The following ZRANB3 variants were observed in gnomAD, a reference collection of about 807,000 sequenced individuals.
The protein encoded by ZRANB3 is zinc finger RANBP2-type containing 3, also known as DNA annealing helicase and endonuclease ZRANB3.
In ZRANB3, 125 loss-of-function variants were observed where a neutral mutation model predicts 133.8. The ratio of observed to expected loss-of-function variants is 0.93; its 90% CI spans 0.81 to 1.08. The LOEUF is 1.08. Among genes scored for constraint, ZRANB3 ranks in the 50% least tolerant of loss-of-function variants. The pLI is 0.00. For synonymous variants in ZRANB3, 387 were observed against 432.7 expected (o/e 0.89, Z 1.31); for missense variants, 1,229 against 1,275.5 (o/e 0.96, Z 0.56).
intron 2 of ZRANB3, among the ~76,000 whole-genome samples, chr2:135,420,707 C>A (rs910273047): frequency 1.3e-5 from 2 of 152,074 alleles, no homozygotes; most frequent in African/African-American, 4.8e-5. Flanking sequence ...TATATCTGTG[C>A]ACCTCATTAA....
intron 8 of ZRANB3, among the ~76,000 whole-genome samples, chr2:135,287,534 T>C (rs1430700820): frequency 6.6e-6 from 1 of 152,190 alleles, no homozygotes; most frequent in Non-Finnish European, 1.5e-5. Context: ...TTCACAATAT[T>C]GATTCTACCA....
At chr2:135,467,050 A>G (rs1481372054) in intron 2 of ZRANB3, among the ~76,000 whole-genome samples, 8 of 152,146 alleles carry the variant, frequency 5.3e-5, no homozygotes, top group South Asian at 2.1e-4. Flanking sequence ...ATTATTTTAC[A>G]TGGTAGGTTT....
At chr2:135,327,965 A>G (rs1299542368) in intron 6 of ZRANB3, among the ~76,000 whole-genome samples, 1 of 152,156 alleles carries the variant, frequency 6.6e-6, no homozygotes, top group East Asian at 1.9e-4. Flanking sequence ...TTGCTTATCA[A>G]TTCATCCTTC....
chr2:135,490,443 C>A (rs1692321428), intron 2 of ZRANB3, among the ~76,000 whole-genome samples: 1 of 151,940 alleles, frequency 6.6e-6, no homozygotes, highest in South Asian at 2.1e-4. Context: ...CAAATCAAAA[C>A]CACAATGAGA....
intron 13 of ZRANB3, 41 bp downstream of exon 13, chr2:135,230,472 C>T: frequency 1.4e-6 from 2 of 1,449,134 alleles, no homozygotes; most frequent in Non-Finnish European, 1.8e-6. Flanking sequence ...GAAGACACCA[C>T]TAACAGCCCT....
At chr2:135,345,500 TTC>T in intron 6 of ZRANB3, 48 bp downstream of exon 6, 1 of 1,284,732 alleles carries the variant, frequency 7.8e-7, no homozygotes, top group Non-Finnish European at 1.1e-6. Flanking sequence ...TAAAGCAATG[TTC>T]ACAGTAAACA....
At chr2:135,485,888 T>A (rs1244436879) in intron 2 of ZRANB3, among the ~76,000 whole-genome samples, 1 of 152,240 alleles carries the variant, frequency 6.6e-6, no homozygotes, top group Non-Finnish European at 1.5e-5. Context: ...TCTTCTTATA[T>A]CTCCTCAGAC....
intron 6 of ZRANB3, among the ~76,000 whole-genome samples, chr2:135,339,019 T>C (rs1275083093): frequency 6.6e-6 from 1 of 152,170 alleles, no homozygotes; most frequent in Non-Finnish European, 1.5e-5. Flanking sequence ...CTCATGACTG[T>C]AATTCCAGCA....
At chr2:135,419,000 C>A (rs1440478993) in intron 2 of ZRANB3, among the ~76,000 whole-genome samples, 1 of 123,782 alleles carries the variant, frequency 8.1e-6, no homozygotes, top group African/African-American at 3.0e-5. Flanking sequence ...TGCAGTGGTG[C>A]GATCTCGGCT....
chr2:135,251,756 G>A (rs59290677), intron 12 of ZRANB3, among the ~76,000 whole-genome samples: 16,890 of 152,102 alleles, frequency 0.11, 1,196 homozygotes, highest in South Asian at 0.32. Flanking sequence ...CTCTTTTTCC[G>A]CTGGGCATGG....
chr2:135,260,839 T>C (rs1469636271), intron 12 of ZRANB3, among the ~76,000 whole-genome samples: 1 of 145,596 alleles, frequency 6.9e-6, no homozygotes, highest in Non-Finnish European at 1.5e-5. Flanking sequence ...TCTATATATA[T>C]ACTATATATA....
At chr2:135,462,370 A>G (rs780749872) in intron 2 of ZRANB3, among the ~76,000 whole-genome samples, 4 of 152,206 alleles carry the variant, frequency 2.6e-5, no homozygotes, top group Non-Finnish European at 4.4e-5. Flanking sequence ...TTTGGCTACA[A>G]TTCCACGTAA....
chr2:135,378,250 T>C (rs6726123), intron 3 of ZRANB3, among the ~76,000 whole-genome samples: 11,735 of 152,232 alleles, frequency 0.077, 1,503 homozygotes, highest in African/African-American at 0.27. Context: ...CCCAGCACTT[T>C]GGGAGGCTGA....
Position 135,208,969 on chromosome 2 carries a change from G to C in ZRANB3, c.2505C>G (p.Thr835=). 6.2e-7 allele frequency: 1 copy of C among 1,613,666 alleles called. No homozygotes were observed. The change falls in exon 18 of 21, where the codon ACC becomes ACG. Residue 835 remains threonine (T), a synonymous_variant. Coordinates refer to ENST00000264159, the MANE Select transcript of ZRANB3 (RefSeq NM_032143.4). ...TKQNCTKRYI[T]KEDVAVASMD... is the part of the protein sequence containing the mutation. ...TTGAGGCTACGGCAACATCTTCTTT[G>C]GTTATGTATCTAAAACAATGATATG...
intron 12 of ZRANB3, among the ~76,000 whole-genome samples, chr2:135,264,756 T>TC (rs1680141376): frequency 6.6e-6 from 1 of 151,544 alleles, no homozygotes; most frequent in African/African-American, 2.4e-5. Flanking sequence ...TTTTTTTTTT[T>TC]CTGAGACAGA....
chr2:135,313,195 A>G (rs868108334), intron 8 of ZRANB3, among the ~76,000 whole-genome samples: 1 of 151,898 alleles, frequency 6.6e-6, no homozygotes, highest in Non-Finnish European at 1.5e-5. Flanking sequence ...TCCATAAAAA[A>G]GAGTTAAACA....
intron 18 of ZRANB3, 85 bp downstream of exon 18, chr2:135,208,783 G>T: frequency 1.6e-6 from 2 of 1,219,022 alleles, no homozygotes; most frequent in Admixed American, 3.9e-5. Context: ...GTCATGCAAA[G>T]GTGAGATATT....
At chr2:135,230,953 AAAGT>A in intron 12 of ZRANB3, 26 bp from the exon 13 acceptor site, 1 of 1,517,046 alleles carries the variant, frequency 6.6e-7, no homozygotes. Context: ...AGTAGTTATC[AAAGT>A]AAGAAGCAAT....
chr2:135,407,275 G>A (rs1335205919), intron 2 of ZRANB3, among the ~76,000 whole-genome samples: 2 of 151,936 alleles, frequency 1.3e-5, no homozygotes, highest in Admixed American at 1.3e-4. Context: ...GGGACATGAA[G>A]GACCTCTTCA....
Sources: allele counts gnomAD v4.1 joint callset (sites outside exome capture counted in the v4.1 genomes callset), GRCh38; gene constraint gnomAD v4.1.1; transcripts MANE v1.5; gene names NCBI Gene and HGNC (gene_info 2026-07-23, HGNC 2026-07-21).